ERCC8: variants seen among roughly 807,000 people sequenced by gnomAD.
ERCC8 encodes ERCC excision repair 8, CSA ubiquitin ligase complex subunit, also known as DNA excision repair protein ERCC-8.
A neutral mutation model predicts 54.9 loss-of-function variants in ERCC8; 52 were observed. The observed-to-expected ratio is 0.95, with a 90% CI of 0.76 to 1.19. The LOEUF is 1.19. ERCC8 is among the 50% of genes most tolerant of loss of function. The pLI is 0.00. For synonymous variants in ERCC8, 146 were observed against 157.2 expected (o/e 0.93, Z 0.53); for missense variants, 514 against 466.1 (o/e 1.10, Z -0.95).
At chr5:60,944,605 A>G (rs1027706421) in intron 1 of ERCC8, among the ~76,000 whole-genome samples, 1 of 152,138 alleles carries the variant, frequency 6.6e-6, no homozygotes, top group Admixed American at 6.5e-5. Flanking sequence ...GAGTCCGTGG[A>G]GGGCAGTTAT....
chr5:60,910,983 T>G (rs1012139483), intron 4 of ERCC8, among the ~76,000 whole-genome samples: 7 of 152,224 alleles, frequency 4.6e-5, no homozygotes, highest in Middle Eastern at 6.8e-3. Context: ...TTTAGTTTTT[T>G]AAAAAAATAG....
At position 60,869,649 on chromosome 5, in the gene ERCC8, T is replaced by C. The variant is rs952410221; in HGVS notation, c.*4966A>G. Among the ~76,000 whole-genome samples, 11 of 152,206 alleles carry C rather than the reference T, an allele frequency of 7.2e-5. No homozygotes were observed. Among genetic ancestry groups the C allele is most frequent in the African/African-American group, 2.7e-4 (11 of 41,464 alleles). On this transcript the variant is annotated 3_prime_UTR_variant, in exon 12 of 12. Coordinates refer to ENST00000676185, the MANE Select transcript of ERCC8 (RefSeq NM_000082.4). ...CCTTAATTCTAAAGTAAAGGCATGGTAGCAAGTTTAAAAGAGAGGTCAAGC... is the reference window on the plus strand; with the variant it reads ...CCTTAATTCTAAAGTAAAGGCATGGCAGCAAGTTTAAAAGAGAGGTCAAGC...
chr5:60,910,824 T>G (rs944049157), intron 4 of ERCC8, among the ~76,000 whole-genome samples: 2 of 152,176 alleles, frequency 1.3e-5, no homozygotes, highest in African/African-American at 4.8e-5. Flanking sequence ...AATGACAGTT[T>G]AAATGCTTCC....
rs1401528867 is a variant in ERCC8 at position 60,873,109 on chromosome 5, G to C, written c.*1506C>G. ...CCTATTGCACAACATAGTAACTATA[G>C]TTACAATTACAAGATTACTATTAAT... On this transcript the variant is annotated 3_prime_UTR_variant, in exon 12 of 12. Transcript: ENST00000676185. 6.6e-6 allele frequency among the ~76,000 whole-genome samples: 1 copy of C among 152,152 alleles called. No homozygotes were observed. Among genetic ancestry groups the C allele is most frequent in the Non-Finnish European group, 1.5e-5 (1 of 68,024 alleles).
At chr5:60,903,611 C>T (rs1450965498) in intron 6 of ERCC8, 37 bp downstream of exon 6, 1 of 1,611,332 alleles carries the variant, frequency 6.2e-7, no homozygotes, top group South Asian at 1.1e-5. Flanking sequence ...GAATCGTTTA[C>T]TCAAAGTAGT....
Position 60,891,022 on chromosome 5 carries a change from C to T in ERCC8, c.908G>A (p.Cys303Tyr), listed in dbSNP as rs777838268. 3.7e-6 allele frequency: 6 copies of T among 1,613,278 alleles called. No homozygotes were observed. The South Asian group carries it at 6.6e-5, about 18-fold the overall frequency. Residue 303 changes from cysteine (C) to tyrosine (Y), a missense_variant, in exon 10 of 12, where the codon TGC becomes TAC. Transcript: ENST00000676185. ...TGGTACAAAAACAAATTCTGAACTG[C>T]AGCCACAGGAGACAGTGAATTTCAA... ...KGLKFTVSCGCSSEFVFVPYG... is the reference protein window; with the variant it reads ...KGLKFTVSCGYSSEFVFVPYG...
rs1203760714 is a variant in ERCC8 at position 60,867,612 on chromosome 5, T to G, written c.*7003A>C. Reference sequence around the variant, plus strand: ...TCTCAAAGACTTATTAGGAATGTTCTTTGTTTTAGCATAAGTTTGAACAGT... The same window carrying G: ...TCTCAAAGACTTATTAGGAATGTTCGTTGTTTTAGCATAAGTTTGAACAGT... On this transcript the variant is annotated 3_prime_UTR_variant, in exon 12 of 12. Transcript: ENST00000676185. Among the ~76,000 whole-genome samples, 1 of 152,250 alleles carries G rather than the reference T, an allele frequency of 6.6e-6. No individual in the cohort carries two copies. Among genetic ancestry groups the G allele is most frequent in the Non-Finnish European group, 1.5e-5 (1 of 68,038 alleles).
At chr5:60,903,904 T>A (rs898735199) in intron 5 of ERCC8, among the ~76,000 whole-genome samples, 188 bp from the exon 6 acceptor site, 6 of 152,116 alleles carry the variant, frequency 3.9e-5, no homozygotes, top group Admixed American at 3.9e-4. Flanking sequence ...AGTTATATTT[T>A]AGTAGTAAGA....
intron 5 of ERCC8, among the ~76,000 whole-genome samples, chr5:60,904,381 T>C (rs1309410233): frequency 6.6e-6 from 1 of 151,844 alleles, no homozygotes; most frequent in Non-Finnish European, 1.5e-5. Flanking sequence ...TGCTTTTATA[T>C]AAATTGATGC....
chr5:60,867,412 G>A lies in ERCC8; in HGVS notation c.*7203C>T, dbSNP rs750330818. Among the ~76,000 whole-genome samples the A allele has an allele frequency of 1.1e-4, 17 of 152,000 alleles. No homozygotes were observed. The highest frequency in any genetic ancestry group is 2.2e-4 in the Non-Finnish European group (15 of 68,016). ...TGGGTTTACAGGTGTGAGCCACTGC[G>A]CCTGGCCTTATTTCTTTATAAAGCC... On this transcript the variant is annotated 3_prime_UTR_variant, in exon 12 of 12. Coordinates refer to ENST00000676185, the MANE Select transcript of ERCC8 (RefSeq NM_000082.4).
Position 60,871,471 on chromosome 5 carries a change from GGCAGCAGGGGTAA to G in ERCC8, c.*3131_*3143del, listed in dbSNP as rs1216906181. On this transcript the variant is annotated 3_prime_UTR_variant, in exon 12 of 12. Transcript: ENST00000676185. ...AGTCTAGGTTAATAACTTGGTTTGTGGCAGCAGGGGTAAGGACTGGGGAATGTGGTACTAATGT... is the reference window on the plus strand; with the variant it reads ...AGTCTAGGTTAATAACTTGGTTTGTGGGACTGGGGAATGTGGTACTAATGT... Among the ~76,000 whole-genome samples the G allele has an allele frequency of 6.6e-6, 1 of 152,150 alleles. No individual in the cohort carries two copies. The highest frequency in any genetic ancestry group is 1.9e-4 in the East Asian group (1 of 5,198).
intron 10 of ERCC8, among the ~76,000 whole-genome samples, chr5:60,889,832 G>A (rs998496257): frequency 1.3e-5 from 2 of 152,088 alleles, no homozygotes; most frequent in South Asian, 2.1e-4. Context: ...TGGTGCTTTC[G>A]TTTTCTTCTC....
At chr5:60,880,131 G>C (rs1430990231) in intron 11 of ERCC8, among the ~76,000 whole-genome samples, 2 of 152,122 alleles carry the variant, frequency 1.3e-5, no homozygotes, top group African/African-American at 4.8e-5. Context: ...ACGAAGCTTA[G>C]TTTGGCTGGA....
At position 60,904,676 on chromosome 5, in the gene ERCC8, A is replaced by C. The variant is rs1304587530; in HGVS notation, c.481+116T>G. On this transcript the variant is annotated intron_variant, in intron 5 of 11. Coordinates refer to ENST00000676185, the MANE Select transcript of ERCC8 (RefSeq NM_000082.4). The stretch of plus-strand genomic sequence containing the variant: ...TATATATATATATATATATATATAT[A>C]TATATATAAAATTGTGATATTCCTC... 3 of 186,188 alleles carry C rather than the reference A, an allele frequency of 1.6e-5. 1 individual carries two copies. Among genetic ancestry groups the C allele is most frequent in the Admixed American group, 1.5e-4 (2 of 13,754 alleles). The allele number at this position is 186,188 out of a possible 1,614,324, so 11.5% of individuals were successfully genotyped here. A position where few individuals can be genotyped will look rare whatever the true frequency, so the allele number is the denominator to read the frequency against.
intron 9 of ERCC8, chr5:60,893,086 A>T: frequency 1.3e-6 from 1 of 776,256 alleles, no homozygotes; most frequent in Non-Finnish European, 2.4e-6. Context: ...ATCTTTTTCA[A>T]GACCAGGACC....
intron 8 of ERCC8, among the ~76,000 whole-genome samples, chr5:60,899,010 ATGAT>A (rs897655438): frequency 2.7e-5 from 4 of 146,696 alleles, no homozygotes; most frequent in African/African-American, 1.0e-4. Flanking sequence ...TATAAAACCT[ATGAT>A]TGTTTTATAT....
chr5:60,921,039 T>C (rs925091376), intron 3 of ERCC8, among the ~76,000 whole-genome samples: 1 of 151,912 alleles, frequency 6.6e-6, no homozygotes, highest in Admixed American at 6.6e-5. Flanking sequence ...TGTAAGTACA[T>C]TGCTTTTCAC....
chr5:60,935,192 G>A (rs1246734360), intron 1 of ERCC8, among the ~76,000 whole-genome samples: 1 of 152,124 alleles, frequency 6.6e-6, no homozygotes, highest in African/African-American at 2.4e-5. Context: ...GTTTCCATTT[G>A]TTTGTGTCAT....
Position 60,874,568 on chromosome 5 carries a change from T to C in ERCC8, c.*47A>G, listed in dbSNP as rs754513955. On this transcript the variant is annotated 3_prime_UTR_variant, in exon 12 of 12. Coordinates refer to ENST00000676185, the MANE Select transcript of ERCC8 (RefSeq NM_000082.4). ...CCATACAGTTGAAAAAAACACAGTC[T>C]CATTTAAAAAGTTTCAGCAGAGACA... The C allele has an allele frequency of 8.5e-6, 13 of 1,538,380 alleles. No individual in the cohort carries two copies. Among genetic ancestry groups the C allele is most frequent in the Non-Finnish European group, 1.2e-5 (13 of 1,113,672 alleles).
Sources: gnomAD v4.1 joint callset for allele counts (sites outside exome capture counted in the v4.1 genomes callset) on GRCh38, gnomAD v4.1.1 for gene constraint, MANE v1.5 for transcripts, NCBI Gene and HGNC (gene_info 2026-07-23, HGNC 2026-07-21) for gene names.